SCYL2: variants seen among roughly 807,000 people sequenced by gnomAD.
SCYL2 encodes SCY1 like pseudokinase 2.
In SCYL2, 36 loss-of-function variants were observed where a neutral mutation model predicts 100.4. That is an observed-to-expected ratio of 0.36 (90% CI 0.27 to 0.47). SCYL2 has a LOEUF of 0.47. Ranked by LOEUF, SCYL2 falls within the 20% of genes least tolerant of loss-of-function variation. SCYL2 has a pLI of 1.00. For missense variants in SCYL2, 902 were observed against 1,083.9 expected, an observed-to-expected ratio of 0.83 and a Z score of 2.36; for synonymous variants, 330 against 359.2, an observed-to-expected ratio of 0.92 and a Z score of 0.92.
chr12:100,284,934 GGCCAAGGTGGAAGGACCCCTTCA>G (rs1180234913), intron 2 of SCYL2, among the ~76,000 whole-genome samples: 2 of 152,126 alleles, frequency 1.3e-5, no homozygotes, highest in Non-Finnish European at 2.9e-5. Context: ...CACTTTGGAA[GGCCAAGGTGGAAGGACCCCTTCA>G]GCTCAGGAGT....
chr12:100,283,072 T>A lies in SCYL2; in HGVS notation c.102T>A (p.Val34=). Reference sequence around the variant, plus strand: ...ATCCTGTCACTAGAGAATTTGATGTTGGTCGACACATTGCCAGTGGTGGCA... The same window carrying A: ...ATCCTGTCACTAGAGAATTTGATGTAGGTCGACACATTGCCAGTGGTGGCA... ...MGNPVTREFD[V]GRHIASGGNG... The change falls in exon 2 of 18, where the codon GTT becomes GTA. Residue 34 remains valine (V), a synonymous_variant. Transcript: ENST00000360820. 2 of 1,613,476 alleles carry A rather than the reference T, an allele frequency of 1.2e-6. No homozygotes were observed. The highest frequency in any genetic ancestry group is 1.7e-6 in the Non-Finnish European group (2 of 1,179,768).
rs573237544 is a variant in SCYL2 at position 100,309,930 on chromosome 12, T to A, written c.481-1114T>A. Reference sequence around the variant, plus strand: ...CATATCCTCACCAGCAGTTATTATTTTTTTCTCTCTCTCTATTTTAATTAT... The same window carrying A: ...CATATCCTCACCAGCAGTTATTATTATTTTCTCTCTCTCTATTTTAATTAT... On this transcript the variant is annotated intron_variant, in intron 4 of 17. Coordinates refer to ENST00000360820, the MANE Select transcript of SCYL2 (RefSeq NM_017988.6). Among the ~76,000 whole-genome samples, 97 of 152,240 alleles carry A rather than the reference T, an allele frequency of 6.4e-4. No individual in the cohort carries two copies. The South Asian group carries it at 0.02, about 31-fold the overall frequency.
intron 3 of SCYL2, among the ~76,000 whole-genome samples, chr12:100,294,220 C>T (rs1193930364): frequency 6.9e-6 from 1 of 145,364 alleles, no homozygotes; most frequent in Non-Finnish European, 1.5e-5. Context: ...ACCCCCCCAC[C>T]TCCCTCCCGG....
chr12:100,294,618 G>A (rs1363364011), intron 3 of SCYL2, among the ~76,000 whole-genome samples: 8 of 138,262 alleles, frequency 5.8e-5, no homozygotes, highest in South Asian at 2.4e-4. Flanking sequence ...CCGGGCAGAG[G>A]GGCTCCTCAC....
intron 1 of SCYL2, among the ~76,000 whole-genome samples, chr12:100,280,431 T>C (rs1227631329): frequency 2.6e-5 from 4 of 152,156 alleles, no homozygotes; most frequent in Non-Finnish European, 4.4e-5. Flanking sequence ...GACTCCAGAT[T>C]AGGAACTGCT....
rs527371142 is a variant in SCYL2 at position 100,299,722 on chromosome 12, G to A, written c.480+1547G>A. 3.7e-4 allele frequency among the ~76,000 whole-genome samples: 55 copies of A among 150,534 alleles called. 1 individual carries two copies. The South Asian group carries it at 0.011, about 31-fold the overall frequency. ...TGATTCTTTTTTTTTTTTAATTGCT[G>A]AGTAGTTTTATGAATATACCACAGC... On this transcript the variant is annotated intron_variant, in intron 4 of 17. Coordinates refer to ENST00000360820, the MANE Select transcript of SCYL2 (RefSeq NM_017988.6).
At chr12:100,332,607 T>G (rs541794710) in intron 13 of SCYL2, among the ~76,000 whole-genome samples, 1 of 152,172 alleles carries the variant, frequency 6.6e-6, no homozygotes, top group South Asian at 2.1e-4. Context: ...CTGCTAGAAG[T>G]CAGAATAAAG....
In SCYL2 at chr12:100,329,210, A is replaced by G. The variant is rs146387419; in HGVS notation, c.1652A>G (p.Lys551Arg). ...AVLMGILGIY[K>R]CTFTHKKLGI... ...CATTCTTTTCTATCAGGTATTTACA[A>G]ATGTACTTTTACTCATAAGAAGTTG... The change falls in exon 13 of 18, where the codon AAA becomes AGA. Residue 551 changes from lysine to arginine, a missense_variant. By Grantham distance (26) the Lys-to-Arg change is conservative. Transcript: ENST00000360820. 8 of 1,556,226 alleles carry G rather than the reference A, an allele frequency of 5.1e-6. No homozygotes were observed. The highest frequency in any genetic ancestry group is 1.7e-5 in the Admixed American group (1 of 59,842).
chr12:100,337,299 G>A, intron 16 of SCYL2, 88 bp from the exon 17 acceptor site: 10 of 1,534,206 alleles, frequency 6.5e-6, no homozygotes, highest in African/African-American at 1.4e-5. Context: ...GAAGTAGTAA[G>A]ATGTACTTTA....
At chr12:100,293,681 C>T (rs913519810) in intron 3 of SCYL2, among the ~76,000 whole-genome samples, 4 of 151,936 alleles carry the variant, frequency 2.6e-5, no homozygotes, top group East Asian at 1.9e-4. Flanking sequence ...TGCAGCCTTC[C>T]GCAGTGTTTG....
intron 12 of SCYL2, among the ~76,000 whole-genome samples, chr12:100,328,233 G>A (rs1484167724): frequency 1.3e-5 from 2 of 152,044 alleles, no homozygotes; most frequent in Non-Finnish European, 2.9e-5. Context: ...ACCCATGATC[G>A]TGTCACTGCA....
chr12:100,317,604 C>T (rs1167825009), intron 9 of SCYL2, 199 bp from the exon 10 acceptor site: 1 of 1,239,186 alleles, frequency 8.1e-7, no homozygotes. Flanking sequence ...CATTTAAACT[C>T]AGAGCAGATG....
intron 9 of SCYL2, among the ~76,000 whole-genome samples, chr12:100,316,386 A>G (rs1039335441): frequency 8.5e-5 from 13 of 152,254 alleles, no homozygotes; most frequent in African/African-American, 3.1e-4. Flanking sequence ...TGTCGTTGCC[A>G]TCTTAAAGCT....
chr12:100,310,657 A>G (rs973820561), intron 4 of SCYL2, among the ~76,000 whole-genome samples: 1 of 152,242 alleles, frequency 6.6e-6, no homozygotes, highest in African/African-American at 2.4e-5. Context: ...CTGAATTTCA[A>G]TCTGAAGTGT....
Position 100,267,246 on chromosome 12 carries a change from G to A in SCYL2, c.-575G>A, listed in dbSNP as rs1208451493. ...TCCCCACCCCTTTCCTTCTAGCTCC[G>A]ACGTTTGCGGCCGCGGGGGCGGCGG... On this transcript the variant is annotated 5_prime_UTR_variant, in exon 1 of 18. Coordinates refer to ENST00000360820, the MANE Select transcript of SCYL2 (RefSeq NM_017988.6). 3.0e-6 allele frequency: 2 copies of A among 667,976 alleles called. No homozygotes were observed. The highest frequency in any genetic ancestry group is 4.8e-6 in the Non-Finnish European group (2 of 414,814). 41.4% of individuals were successfully genotyped at this position (667,976 alleles called of 1,614,324 possible). A position where few individuals can be genotyped will look rare whatever the true frequency, so the allele number is the denominator to read the frequency against.
chr12:100,326,477 AT>A (rs2096361936), intron 11 of SCYL2, 144 bp from the exon 12 acceptor site: 1 of 539,432 alleles, frequency 1.9e-6, no homozygotes, highest in African/African-American at 2.0e-5. Context: ...TGAATTTCCT[AT>A]GTTGATAAAG....
chr12:100,327,001 A>G (rs1341065851), intron 12 of SCYL2, among the ~76,000 whole-genome samples: 3 of 152,198 alleles, frequency 2.0e-5, no homozygotes, highest in Admixed American at 6.5e-5. Context: ...AGTTTTCCCC[A>G]TAAAATGGTA....
In SCYL2 at chr12:100,339,616, C is replaced by G. The variant is rs1417438614; in HGVS notation, c.*444C>G. ...TTTTAATATGTAAAAAATCTTGATGCTGTATTGATTTGTTTGCATTTAAGA... is the reference window on the plus strand; with the variant it reads ...TTTTAATATGTAAAAAATCTTGATGGTGTATTGATTTGTTTGCATTTAAGA... On this transcript the variant is annotated 3_prime_UTR_variant, in exon 18 of 18. Transcript: ENST00000360820. The G allele has an allele frequency of 1.9e-5, 3 of 155,792 alleles. No homozygotes were observed. The highest frequency in any genetic ancestry group is 3.8e-4 in the East Asian group (2 of 5,252). The allele number at this position is 155,792 out of a possible 1,614,324, so 9.7% of individuals were successfully genotyped here.
chr12:100,324,531 T>TTAC (rs2096359661), intron 11 of SCYL2, among the ~76,000 whole-genome samples: 1 of 152,212 alleles, frequency 6.6e-6, no homozygotes, highest in South Asian at 2.1e-4. Flanking sequence ...GCAAAAGTAA[T>TTAC]TTGAATGATA....
Sources: gnomAD v4.1 joint callset for allele counts (sites outside exome capture counted in the v4.1 genomes callset) on GRCh38, gnomAD v4.1.1 for gene constraint, MANE v1.5 for transcripts, NCBI Gene and HGNC (gene_info 2026-07-23, HGNC 2026-07-21) for gene names.